VAV2: variants seen among roughly 807,000 people sequenced by gnomAD.
VAV2 encodes the protein guanine nucleotide exchange factor VAV2.
Under a neutral mutation model 132.5 loss-of-function variants are expected in VAV2, and 67 were observed. The ratio of observed to expected loss-of-function variants is 0.51; its 90% CI spans 0.42 to 0.62. The LOEUF (loss-of-function observed/expected upper bound fraction) is 0.62, where lower values mean the gene tolerates loss of function less well. Among genes scored for constraint, VAV2 ranks in the 20% least tolerant of loss-of-function variants. The pLI, the probability that VAV2 is intolerant of heterozygous loss-of-function variation, is 0.00. For missense variants in VAV2, 938 were observed against 1,153.6 expected (o/e 0.81, Z 2.71); for synonymous variants, 492 against 443.5 (o/e 1.11, Z -1.37).
At position 133,834,122 on chromosome 9, in the gene VAV2, C is replaced by CCCA. The variant is rs1484724590; in HGVS notation, c.449+147_449+149dup. 1 of 816,720 alleles carries CCCA rather than the reference C, an allele frequency of 1.2e-6. No individual in the cohort carries two copies. The highest frequency in any genetic ancestry group is 1.7e-5 in the African/African-American group (1 of 57,836). The allele number at this position is 816,720 out of a possible 1,614,324, so 50.6% of individuals were successfully genotyped here. A position where few individuals can be genotyped will look rare whatever the true frequency, so the allele number is the denominator to read the frequency against. ...CTCAGCACGGAAGCCCACACCATGA[C>CCCA]CCATCATGAGGAGATGCCCCGGTGG... On this transcript the variant is annotated intron_variant, in intron 4 of 29. Coordinates refer to ENST00000371850, the MANE Select transcript of VAV2 (RefSeq NM_001134398.2). This position sits in a 1 kb window ranked among gnomAD's most constrained non-coding sequence, Gnocchi z 5.9.
intron 10 of VAV2, among the ~76,000 whole-genome samples, chr9:133,797,409 A>C (rs1296790103): frequency 2.0e-5 from 3 of 150,608 alleles, no homozygotes; most frequent in South Asian, 2.1e-4. Context: ...GGCTCCCTGG[A>C]GTCAGCAGAG....
intron 1 of VAV2, among the ~76,000 whole-genome samples, chr9:133,982,308 A>G (rs1321351619): frequency 6.6e-6 from 1 of 152,132 alleles, no homozygotes; most frequent in Non-Finnish European, 1.5e-5. Context: ...GGAGCACCAA[A>G]CTGTGCATGG....
intron 2 of VAV2, among the ~76,000 whole-genome samples, chr9:133,898,600 A>T (rs1016373834): frequency 4.6e-5 from 7 of 152,114 alleles, no homozygotes; most frequent in African/African-American, 1.4e-4. Context: ...CCTCAAAAAA[A>T]TAAAAAATAA....
intron 2 of VAV2, among the ~76,000 whole-genome samples, chr9:133,902,658 G>A (rs1425882846): frequency 3.2e-4 from 49 of 152,136 alleles, no homozygotes; most frequent in Non-Finnish European, 4.4e-5. Flanking sequence ...GATACATAGG[G>A]GTGCTAATCC....
At chr9:133,947,159 AGGT>A (rs1184556124) in intron 1 of VAV2, among the ~76,000 whole-genome samples, 2 of 152,200 alleles carry the variant, frequency 1.3e-5, no homozygotes, top group Non-Finnish European at 2.9e-5. Flanking sequence ...ACTGCTGCTT[AGGT>A]GGCAACCTCG....
In VAV2 at chr9:133,794,009, G is replaced by A. The variant is rs75937267; in HGVS notation, c.1101+1659C>T. On this transcript the variant is annotated intron_variant, in intron 12 of 29. Coordinates refer to ENST00000371850, the MANE Select transcript of VAV2 (RefSeq NM_001134398.2). The surrounding 1 kb of genome is among the most constrained non-coding windows in gnomAD (Gnocchi z 4.6). ...GGCAGACGCACACCCGCAAGTCACC[G>A]AGTACTTTGTGCAGCACCGTGAGCT... Among the ~76,000 whole-genome samples the A allele has an allele frequency of 0.024, 3,700 of 151,378 alleles. 133 individuals are homozygous for A. The highest frequency in any genetic ancestry group is 0.084 in the African/African-American group (3,479 of 41,230).
At chr9:133,938,969 A>G (rs1841028965) in intron 2 of VAV2, 134 bp downstream of exon 2, 1 of 813,504 alleles carries the variant, frequency 1.2e-6, no homozygotes, top group South Asian at 1.5e-5. Flanking sequence ...CCTCCCGGAC[A>G]TGAGGGTGCA....
chr9:133,876,323 G>A (rs1027313663), intron 2 of VAV2, among the ~76,000 whole-genome samples: 2 of 152,254 alleles, frequency 1.3e-5, no homozygotes, highest in South Asian at 2.1e-4. Flanking sequence ...CTGCTCCCAC[G>A]CCCAGCACCA....
intron 8 of VAV2, among the ~76,000 whole-genome samples, chr9:133,806,970 C>T (rs756236463): frequency 3.3e-5 from 5 of 152,234 alleles, no homozygotes; most frequent in Admixed American, 6.5e-5. Context: ...TCTCTCTGGC[C>T]GCTGACAAAA....
At chr9:133,800,569 A>G (rs560203267) in intron 9 of VAV2, among the ~76,000 whole-genome samples, 13 of 152,312 alleles carry the variant, frequency 8.5e-5, no homozygotes, top group South Asian at 2.1e-4. Flanking sequence ...AGCTGGGCCC[A>G]GTGATGGCCC....
At position 133,795,299 on chromosome 9, in the gene VAV2, C is replaced by T. The variant is rs571638717; in HGVS notation, c.1101+369G>A. Among the ~76,000 whole-genome samples the T allele has an allele frequency of 8.5e-5, 13 of 152,246 alleles. No homozygotes were observed. In the South Asian group the frequency reaches 2.3e-3, roughly 27 times the overall value. ...CAGGCAGGTAGCTGAGAGATGGCACCGGAGGTGGCATTTTAGAAGCAGAAG... is the reference window on the plus strand; with the variant it reads ...CAGGCAGGTAGCTGAGAGATGGCACTGGAGGTGGCATTTTAGAAGCAGAAG... On this transcript the variant is annotated intron_variant, in intron 12 of 29. Transcript: ENST00000371850.
intron 2 of VAV2, among the ~76,000 whole-genome samples, chr9:133,876,515 C>T (rs1043714661): frequency 2.6e-5 from 4 of 152,242 alleles, no homozygotes; most frequent in African/African-American, 4.8e-5. Flanking sequence ...GCCCGGAGAG[C>T]GGCCATGGCC....
intron 2 of VAV2, among the ~76,000 whole-genome samples, chr9:133,898,816 C>CTT (rs60943412): frequency 7.3e-5 from 6 of 82,474 alleles, no homozygotes; most frequent in African/African-American, 2.8e-4. Flanking sequence ...CAGACCCTGC[C>CTT]TTTTTTTTTT....
At chr9:133,972,322 G>T (rs913734796) in intron 1 of VAV2, among the ~76,000 whole-genome samples, 2 of 152,210 alleles carry the variant, frequency 1.3e-5, no homozygotes, top group Non-Finnish European at 2.9e-5. Flanking sequence ...GCACCCGTCC[G>T]TCCGACCCTT....
At position 133,891,922 on chromosome 9, in the gene VAV2, T is replaced by C. The variant is rs572088708; in HGVS notation, c.322-30490A>G. On this transcript the variant is annotated intron_variant, in intron 2 of 29. Coordinates refer to ENST00000371850, the MANE Select transcript of VAV2 (RefSeq NM_001134398.2). Reference sequence around the variant, plus strand: ...GGGGATAGAGGGCGTGGAGTGAGAATGGAGGAGAGGGGTAAAAGTAGTGGA... The same window carrying C: ...GGGGATAGAGGGCGTGGAGTGAGAACGGAGGAGAGGGGTAAAAGTAGTGGA... Among the ~76,000 whole-genome samples the C allele has an allele frequency of 1.0e-4, 10 of 99,638 alleles. No homozygotes were observed. The South Asian group carries it at 3.5e-3, about 35-fold the overall frequency. The allele number at this position is 99,638 out of a possible 152,430, so 65.4% of individuals were successfully genotyped here.
At chr9:133,915,659 C>T (rs112473634) in intron 2 of VAV2, among the ~76,000 whole-genome samples, 2,238 of 150,806 alleles carry the variant, frequency 0.015, 39 homozygotes, top group African/African-American at 0.051. Flanking sequence ...ATGTACACGA[C>T]GCACACATGC....
chr9:133,836,637 C>T (rs914160721), intron 3 of VAV2, among the ~76,000 whole-genome samples: 2 of 152,224 alleles, frequency 1.3e-5, no homozygotes, highest in African/African-American at 2.4e-5. Context: ...AAATACCAAA[C>T]TCCTGAGGTT....
At chr9:133,983,270 A>C (rs1842754291) in intron 1 of VAV2, among the ~76,000 whole-genome samples, 1 of 152,198 alleles carries the variant, frequency 6.6e-6, no homozygotes, top group Non-Finnish European at 1.5e-5. Flanking sequence ...ATGTGTCCCT[A>C]CAAGTCTCCT....
chr9:133,874,600 G>C (rs932669942), intron 2 of VAV2, among the ~76,000 whole-genome samples: 5 of 152,132 alleles, frequency 3.3e-5, no homozygotes, highest in African/African-American at 1.2e-4. Context: ...GCCAAGGTGG[G>C]GTTATGGGAA....
Sources: gnomAD v4.1 joint callset for allele counts (sites outside exome capture counted in the v4.1 genomes callset) on GRCh38, gnomAD v4.1.1 for gene constraint, Gnocchi (gnomAD v3.1) non-coding constraint, MANE v1.5 for transcripts, NCBI Gene and HGNC (gene_info 2026-07-23, HGNC 2026-07-21) for gene names.